SCFD2: variants seen among roughly 807,000 people sequenced by gnomAD.
SCFD2 encodes sec1 family domain-containing protein 2.
A neutral mutation model predicts 58.9 loss-of-function variants in SCFD2; 54 were observed. The observed-to-expected ratio is 0.92, with a 90% CI of 0.74 to 1.15. SCFD2 has a LOEUF of 1.15. Among genes scored for constraint, SCFD2 ranks in the 50% most tolerant of loss-of-function variants. The pLI, the probability that SCFD2 is intolerant of heterozygous loss-of-function variation, is 0.00. For missense variants in SCFD2, 805 were observed against 836.6 expected, an observed-to-expected ratio of 0.96 and a Z score of 0.47; for synonymous variants, 321 against 335.9, an observed-to-expected ratio of 0.96 and a Z score of 0.49.
At chr4:53,267,944 G>A (rs1020707553) in intron 4 of SCFD2, among the ~76,000 whole-genome samples, 2 of 152,170 alleles carry the variant, frequency 1.3e-5, no homozygotes, top group Non-Finnish European at 2.9e-5. Flanking sequence ...TCATTCTCAG[G>A]AGAAAATCTC....
At chr4:53,303,889 G>A (rs1415736172) in intron 3 of SCFD2, among the ~76,000 whole-genome samples, 1 of 145,370 alleles carries the variant, frequency 6.9e-6, no homozygotes, top group Non-Finnish European at 1.5e-5. Context: ...ACTCATAGGT[G>A]AGAATTGAAC....
intron 5 of SCFD2, among the ~76,000 whole-genome samples, chr4:53,012,001 CTTTTT>C (rs11297946): frequency 7.3e-6 from 1 of 137,052 alleles, no homozygotes; most frequent in Non-Finnish European, 1.6e-5. Flanking sequence ...AGGTTTTAGG[CTTTTT>C]TTTTTTTTTT....
chr4:53,209,279 T>C (rs548063757), intron 4 of SCFD2, among the ~76,000 whole-genome samples: 1 of 152,148 alleles, frequency 6.6e-6, no homozygotes, highest in East Asian at 1.9e-4. Flanking sequence ...TAAAGCTAAA[T>C]ACAATGATAC....
At chr4:53,112,599 T>C (rs563655177) in intron 5 of SCFD2, among the ~76,000 whole-genome samples, 1 of 152,248 alleles carries the variant, frequency 6.6e-6, no homozygotes, top group East Asian at 1.9e-4. Context: ...TGAAGTAGTG[T>C]GACATGGTAG....
At chr4:53,173,090 CT>C (rs1238391255) in intron 4 of SCFD2, among the ~76,000 whole-genome samples, 1 of 152,090 alleles carries the variant, frequency 6.6e-6, no homozygotes, top group Non-Finnish European at 1.5e-5. Flanking sequence ...CTTTTTATCA[CT>C]GTATAATGTA....
chr4:53,352,814 A>C, intron 1 of SCFD2, 48 bp from the exon 2 acceptor site: 1 of 1,508,908 alleles, frequency 6.6e-7, no homozygotes, highest in Non-Finnish European at 9.2e-7. Context: ...GGGAGGAAAA[A>C]GCAAGTTGGA....
intron 3 of SCFD2, among the ~76,000 whole-genome samples, chr4:53,304,403 A>C (rs1268127691): frequency 6.6e-6 from 1 of 152,084 alleles, no homozygotes; most frequent in Non-Finnish European, 1.5e-5. Flanking sequence ...ATTCTCCTGG[A>C]TAATATCCTG....
At chr4:53,177,997 A>G (rs1727398006) in intron 4 of SCFD2, among the ~76,000 whole-genome samples, 2 of 152,206 alleles carry the variant, frequency 1.3e-5, no homozygotes, top group African/African-American at 4.8e-5. Context: ...GATTAGGTAA[A>G]CAAAGTGGAT....
intron 6 of SCFD2, among the ~76,000 whole-genome samples, chr4:52,913,706 A>T (rs1265996606): frequency 6.6e-6 from 1 of 152,236 alleles, no homozygotes; most frequent in Non-Finnish European, 1.5e-5. Flanking sequence ...GGTGACAAAA[A>T]GGTGGGCACC....
At chr4:53,286,383 A>G (rs2149081985) in intron 3 of SCFD2, among the ~76,000 whole-genome samples, 1 of 152,204 alleles carries the variant, frequency 6.6e-6, no homozygotes, top group East Asian at 1.9e-4. Context: ...CCAGCAGAGT[A>G]GGTATATGTT....
At chr4:53,132,599 A>T (rs1365087376) in intron 5 of SCFD2, among the ~76,000 whole-genome samples, 1 of 152,200 alleles carries the variant, frequency 6.6e-6, no homozygotes, top group Non-Finnish European at 1.5e-5. Flanking sequence ...ATTAGTCAAA[A>T]TCCTTTCTGA....
chr4:52,944,266 A>T (rs1720364414), intron 5 of SCFD2, among the ~76,000 whole-genome samples: 1 of 152,230 alleles, frequency 6.6e-6, no homozygotes, highest in Non-Finnish European at 1.5e-5. Flanking sequence ...ATTTGTCAAA[A>T]GATTTCCATA....
intron 5 of SCFD2, among the ~76,000 whole-genome samples, chr4:52,960,907 C>T (rs1054594646): frequency 1.8e-4 from 27 of 152,258 alleles, no homozygotes; most frequent in African/African-American, 6.3e-4. Flanking sequence ...ATTTTAGAGA[C>T]TAGGAATGCT....
rs148228901 is a variant in SCFD2 at position 53,312,668 on chromosome 4, T to C, written c.1135+968A>G. On this transcript the variant is annotated intron_variant, in intron 3 of 8. Transcript: ENST00000401642. ...TAGATTCATCCATATTCTGCTACTT[T>C]CAAATTTTGTTCTATTTCAACTTAG... Among the ~76,000 whole-genome samples the C allele has an allele frequency of 1.3e-4, 20 of 152,330 alleles. No homozygotes were observed. The East Asian group carries it at 3.9e-3, about 29-fold the overall frequency.
intron 4 of SCFD2, among the ~76,000 whole-genome samples, chr4:53,194,269 C>T (rs1008482202): frequency 2.6e-5 from 4 of 152,028 alleles, no homozygotes; most frequent in Non-Finnish European, 5.9e-5. Flanking sequence ...TTTTCTTTTC[C>T]TTTTCACTCC....
intron 4 of SCFD2, among the ~76,000 whole-genome samples, chr4:53,146,136 A>G (rs960545918): frequency 6.6e-6 from 1 of 152,216 alleles, no homozygotes; most frequent in African/African-American, 2.4e-5. Flanking sequence ...GGTAATGGTC[A>G]CTTAGGGTTC....
chr4:53,301,405 G>A (rs1361474181), intron 3 of SCFD2, among the ~76,000 whole-genome samples: 405 of 150,668 alleles, frequency 2.7e-3, no homozygotes, highest in African/African-American at 9.5e-3. Context: ...ACCAGGAAGA[G>A]GTTGAATCTC....
At chr4:52,923,403 G>A (rs551789287) in intron 5 of SCFD2, among the ~76,000 whole-genome samples, 28 of 152,044 alleles carry the variant, frequency 1.8e-4, no homozygotes, top group African/African-American at 5.5e-4. Flanking sequence ...GCTTGAGCCC[G>A]GGAGTTGGAG....
intron 4 of SCFD2, among the ~76,000 whole-genome samples, chr4:53,181,626 G>A (rs371646534): frequency 1.2e-4 from 19 of 152,080 alleles, no homozygotes; most frequent in Admixed American, 1.2e-3. Flanking sequence ...CACCACTCCT[G>A]TTCAATATAG....
Sources: gnomAD v4.1 joint callset for allele counts (sites outside exome capture counted in the v4.1 genomes callset) on GRCh38, gnomAD v4.1.1 for gene constraint, MANE v1.5 for transcripts, NCBI Gene and HGNC (gene_info 2026-07-23, HGNC 2026-07-21) for gene names.